The following LGR5 variants were observed in gnomAD, a reference collection of about 807,000 sequenced individuals.
LGR5 encodes the protein leucine-rich repeat-containing G protein-coupled receptor 5.
A neutral mutation model predicts 76.7 loss-of-function variants in LGR5; 54 were observed. That is an observed-to-expected ratio of 0.70 (90% CI 0.57 to 0.88). The LOEUF (loss-of-function observed/expected upper bound fraction) is 0.88. Ranked by LOEUF, LGR5 falls within the 40% of genes least tolerant of loss-of-function variation. LGR5 has a pLI of 0.00. For missense variants in LGR5, 1,078 were observed against 1,073.3 expected, an observed-to-expected ratio of 1.00 and a Z score of -0.06; for synonymous variants, 406 against 421.9, an observed-to-expected ratio of 0.96 and a Z score of 0.46.
At chr12:71,525,667 A>G (rs868138379) in intron 3 of LGR5, among the ~76,000 whole-genome samples, 10 of 151,820 alleles carry the variant, frequency 6.6e-5, no homozygotes, top group Admixed American at 1.3e-4. Context: ...AAATTTTACT[A>G]GAATCAAGTA....
intron 1 of LGR5, among the ~76,000 whole-genome samples, chr12:71,452,084 C>T (rs1872274223): frequency 6.6e-6 from 1 of 152,214 alleles, no homozygotes; most frequent in African/African-American, 2.4e-5. Flanking sequence ...TTGTCCATTC[C>T]TTCCCGTGGA....
intron 8 of LGR5, among the ~76,000 whole-genome samples, chr12:71,565,713 C>T (rs957238377): frequency 1.7e-4 from 25 of 151,262 alleles, no homozygotes; most frequent in Admixed American, 2.0e-4. Flanking sequence ...ATACTTTAAA[C>T]GTGGTAGACA....
At chr12:71,457,032 A>G (rs1872511544) in intron 1 of LGR5, among the ~76,000 whole-genome samples, 1 of 152,070 alleles carries the variant, frequency 6.6e-6, no homozygotes, top group African/African-American at 2.4e-5. Context: ...AATTTTGCCT[A>G]TGGTAGGGGA....
chr12:71,538,720 G>A (rs530211926), intron 4 of LGR5, among the ~76,000 whole-genome samples: 3 of 151,520 alleles, frequency 2.0e-5, no homozygotes, highest in East Asian at 2.0e-4. Flanking sequence ...TTGGCTGGGC[G>A]TCATGTGCAT....
intron 1 of LGR5, among the ~76,000 whole-genome samples, chr12:71,491,459 C>T (rs1428979598): frequency 6.6e-6 from 1 of 151,918 alleles, no homozygotes; most frequent in African/African-American, 2.4e-5. Flanking sequence ...AGTAATAGAC[C>T]TTTTCTTTAG....
Position 71,579,675 on chromosome 12 carries a change from C to G in LGR5, c.1407-603C>G, listed in dbSNP as rs538191257. Among the ~76,000 whole-genome samples, 18 of 152,140 alleles carry G rather than the reference C, an allele frequency of 1.2e-4. No individual in the cohort carries two copies. In the East Asian group the frequency reaches 3.5e-3, roughly 29 times the overall value. On this transcript the variant is annotated intron_variant, in intron 15 of 17. Coordinates refer to ENST00000266674, the MANE Select transcript of LGR5 (RefSeq NM_003667.4). ...CAATTACACTCTTTATTTTAAAATG[C>G]CCAATTAAATTATTATTGACTACAG... is the stretch of plus-strand genomic sequence containing the variant.
chr12:71,519,912 G>A (rs968519970), intron 2 of LGR5, among the ~76,000 whole-genome samples: 2 of 151,638 alleles, frequency 1.3e-5, no homozygotes, highest in Admixed American at 6.6e-5. Context: ...TAAATACCAT[G>A]GGATATTAAA....
intron 6 of LGR5, among the ~76,000 whole-genome samples, chr12:71,558,517 C>T (rs1023686167): frequency 6.6e-6 from 1 of 152,152 alleles, no homozygotes; most frequent in African/African-American, 2.4e-5. Context: ...CTTGTTTAAT[C>T]AAAACAGAGC....
intron 3 of LGR5, among the ~76,000 whole-genome samples, chr12:71,534,323 G>A (rs767804964): frequency 3.9e-5 from 6 of 152,012 alleles, no homozygotes; most frequent in Non-Finnish European, 7.4e-5. Flanking sequence ...CCATTCTGTA[G>A]TCCCCATATT....
chr12:71,502,210 T>G (rs902860704), intron 1 of LGR5, among the ~76,000 whole-genome samples: 2 of 150,066 alleles, frequency 1.3e-5, no homozygotes, highest in Non-Finnish European at 3.0e-5. Context: ...TTTTTTTTTT[T>G]TTTTGAGACA....
intron 11 of LGR5, chr12:71,571,217 A>G (rs1878596845): frequency 4.9e-6 from 1 of 204,792 alleles, no homozygotes; most frequent in African/African-American, 2.3e-5. Context: ...ATTTGTTCTC[A>G]TTGCAGTAAG....
At chr12:71,449,864 C>T (rs769634958) in intron 1 of LGR5, among the ~76,000 whole-genome samples, 1 of 152,114 alleles carries the variant, frequency 6.6e-6, no homozygotes, top group African/African-American at 2.4e-5. Context: ...AATGACTAAG[C>T]TGTATATCTA....
intron 8 of LGR5, 33 bp downstream of exon 8, chr12:71,561,885 TC>T: frequency 8.2e-7 from 1 of 1,222,070 alleles, no homozygotes; most frequent in Middle Eastern, 2.3e-4. Flanking sequence ...GGTTTCTCCA[TC>T]CTGAAATATA....
chr12:71,582,405 C>A, intron 16 of LGR5, 51 bp from the exon 17 acceptor site: 2 of 1,465,492 alleles, frequency 1.4e-6, no homozygotes, highest in Non-Finnish European at 1.9e-6. Context: ...GGGATTTGGT[C>A]CCTTGAAAAG....
In LGR5 at chr12:71,584,222, C is replaced by T; in HGVS notation, c.2212C>T (p.Leu738Phe). 1 of 1,614,092 alleles carries T rather than the reference C, an allele frequency of 6.2e-7. No individual in the cohort carries two copies. Among genetic ancestry groups the T allele is most frequent in the Non-Finnish European group, 8.5e-7 (1 of 1,180,018 alleles). ...CATCTTGCTCAATTCCCTTTGCTTC[C>T]TCATGATGACCATTGCCTACACCAA... ...ALILLNSLCF[L>F]MMTIAYTKLY... Residue 738 changes from leucine (L) to phenylalanine (F), a missense_variant, in exon 18 of 18, where the codon CTC (leucine) becomes TTC (phenylalanine). Transcript: ENST00000266674.
At chr12:71,554,468 C>G (rs1004783716) in intron 5 of LGR5, among the ~76,000 whole-genome samples, 10 of 152,206 alleles carry the variant, frequency 6.6e-5, no homozygotes, top group African/African-American at 2.4e-4. Context: ...TGGCCTCTGG[C>G]TGCCTGACTC....
intron 2 of LGR5, among the ~76,000 whole-genome samples, chr12:71,523,585 G>A (rs1875830073): frequency 6.6e-6 from 1 of 152,158 alleles, no homozygotes; most frequent in Non-Finnish European, 1.5e-5. Flanking sequence ...GCTCTTTGGA[G>A]TCACATTGTT....
intron 1 of LGR5, among the ~76,000 whole-genome samples, chr12:71,503,358 C>T (rs993011426): frequency 6.6e-6 from 1 of 152,154 alleles, no homozygotes; most frequent in Non-Finnish European, 1.5e-5. Context: ...CTTAAGAACA[C>T]AGCATTTACT....
intron 1 of LGR5, chr12:71,441,535 A>G (rs1198669864): frequency 6.6e-6 from 1 of 152,140 alleles, no homozygotes; most frequent in Non-Finnish European, 1.5e-5. Flanking sequence ...TTCTGGAGGG[A>G]AGAAACATGA....
Sources: allele counts gnomAD v4.1 joint callset (sites outside exome capture counted in the v4.1 genomes callset), GRCh38; gene constraint gnomAD v4.1.1; transcripts MANE v1.5; gene names NCBI Gene and HGNC (gene_info 2026-07-23, HGNC 2026-07-21).